Variants in RYR2 observed in about 807,000 individuals in gnomAD.
The protein encoded by RYR2 is ryanodine receptor 2.
Under a neutral mutation model 601.1 loss-of-function variants are expected in RYR2, and 227 were observed. The ratio of observed to expected loss-of-function variants is 0.38; its 90% confidence interval spans 0.34 to 0.42. The LOEUF (loss-of-function observed/expected upper bound fraction) is 0.42. RYR2 is among the 10% of genes least tolerant of loss of function. The probability of loss-of-function intolerance (pLI) is 1.00; values close to 1 mark genes in which losing one functional copy is unlikely to be tolerated. For synonymous variants in RYR2, 2,223 were observed against 2,175.1 expected (o/e 1.02, Z -0.61); for missense variants, 4,646 against 6,156.5 (o/e 0.75, Z 8.21).
Position 237,792,164 on chromosome 1 carries a change from T to C in RYR2, c.13623T>C (p.Asn4541=), listed in dbSNP as rs1389335931. 2 of 1,611,778 alleles carry C rather than the reference T, an allele frequency of 1.2e-6. No homozygotes were observed. The highest frequency in any genetic ancestry group is 1.7e-6 in the Non-Finnish European group (2 of 1,179,036). Residue 4541 remains asparagine, a synonymous_variant, in exon 94 of 105, where the codon AAT becomes AAC. Transcript: ENST00000366574. ...TCCCCACGAGAAGTTCAAGTGAAAA[T>C]GCCAAAGTGACAAGCCTGGACAGCA... ...KELPTRSSSE[N]AKVTSLDSSS...
At chr1:237,500,225 T>C (rs1664485797) in intron 20 of RYR2, among the ~76,000 whole-genome samples, 1 of 152,220 alleles carries the variant, frequency 6.6e-6, no homozygotes, top group Non-Finnish European at 1.5e-5. Context: ...ATGAAGTACC[T>C]GCTGTGCCTG....
intron 14 of RYR2, among the ~76,000 whole-genome samples, chr1:237,448,655 A>T (rs1332306359): frequency 6.6e-6 from 1 of 151,860 alleles, no homozygotes; most frequent in African/African-American, 2.4e-5. Context: ...GTGCATTTTG[A>T]AGCTCCGTTA....
rs1260701401 is a variant in RYR2 at position 237,148,563 on chromosome 1, C to CACACAT, written c.48+105995_48+105996insCACATA. Among the ~76,000 whole-genome samples, 366 of 82,338 alleles carry CACACAT rather than the reference C, an allele frequency of 4.4e-3. 9 individuals carry two copies. Among genetic ancestry groups the CACACAT allele is most frequent in the African/African-American group, 0.014 (355 of 25,920 alleles). The allele number at this position is 82,338 out of a possible 152,430, so 54.0% of individuals were successfully genotyped here. A position where few individuals can be genotyped will look rare whatever the true frequency, so the allele number is the denominator to read the frequency against. Reference sequence around the variant, plus strand: ...ATATATATATATATATACACACACACATATATATATATATACACACACATA... The same window carrying CACACAT: ...ATATATATATATATATACACACACACACACATATATATATATATATACACACACATA... On this transcript the variant is annotated intron_variant, in intron 1 of 104. Transcript: ENST00000366574.
intron 5 of RYR2, among the ~76,000 whole-genome samples, chr1:237,366,097 C>T (rs946764354): frequency 6.6e-6 from 1 of 152,214 alleles, no homozygotes; most frequent in African/African-American, 2.4e-5. Context: ...TTTCAATCAT[C>T]ATGCTTTGCT....
chr1:237,713,641 A>C (rs2819758), intron 71 of RYR2, among the ~76,000 whole-genome samples: 152,232 of 152,232 alleles, frequency 1, 76,116 homozygotes, highest in Non-Finnish European at 1. Flanking sequence ...TCGTGATCTG[A>C]CGGCCTCGGC....
At chr1:237,375,127 C>A (rs1700920748) in intron 7 of RYR2, among the ~76,000 whole-genome samples, 1 of 152,120 alleles carries the variant, frequency 6.6e-6, no homozygotes, top group Non-Finnish European at 1.5e-5. Context: ...ATGTCTCTCT[C>A]AAAAATGTTT....
At chr1:237,390,952 C>T (rs1702323459) in intron 10 of RYR2, among the ~76,000 whole-genome samples, 1 of 152,024 alleles carries the variant, frequency 6.6e-6, no homozygotes, top group Non-Finnish European at 1.5e-5. Context: ...AAATGGATGT[C>T]AGATTATGAC....
intron 104 of RYR2, among the ~76,000 whole-genome samples, chr1:237,832,247 C>A (rs554905127): frequency 8.6e-5 from 13 of 150,932 alleles, no homozygotes; most frequent in African/African-American, 2.9e-4. Flanking sequence ...CAGACAAGAT[C>A]TCTTATGTTG....
In RYR2 at chr1:237,483,220, T is replaced by A. The variant is rs557769567; in HGVS notation, c.1709-8586T>A. ...GTCCATTCAGCATTTCTCTACCTCTTACGACTATCATCACTGCTCCACAAA... is the reference window on the plus strand; with the variant it reads ...GTCCATTCAGCATTTCTCTACCTCTAACGACTATCATCACTGCTCCACAAA... On this transcript the variant is annotated intron_variant, in intron 17 of 104. Transcript: ENST00000366574. Among the ~76,000 whole-genome samples the A allele has an allele frequency of 1.2e-3, 181 of 152,330 alleles. 1 individual carries two copies. The highest frequency in any genetic ancestry group is 4.2e-3 in the African/African-American group (173 of 41,580).
intron 8 of RYR2, among the ~76,000 whole-genome samples, chr1:237,383,637 G>A (rs1172281310): frequency 3.3e-5 from 5 of 151,818 alleles, no homozygotes; most frequent in African/African-American, 1.2e-4. Flanking sequence ...CACCGTGTTG[G>A]CCAGGATGGT....
At chr1:237,070,463 T>G (rs2148317764) in intron 1 of RYR2, among the ~76,000 whole-genome samples, 1 of 152,320 alleles carries the variant, frequency 6.6e-6, no homozygotes, top group South Asian at 2.1e-4. Flanking sequence ...CAAGCATTTC[T>G]TCTGCCTCAA....
chr1:237,686,786 A>C (rs1686431750), intron 62 of RYR2, among the ~76,000 whole-genome samples: 1 of 152,134 alleles, frequency 6.6e-6, no homozygotes, highest in South Asian at 2.1e-4. Flanking sequence ...TCTGGAGCAG[A>C]TAAGAAATAT....
intron 58 of RYR2, among the ~76,000 whole-genome samples, chr1:237,673,318 T>G (rs942312614): frequency 6.6e-6 from 1 of 152,174 alleles, no homozygotes; most frequent in African/African-American, 2.4e-5. Context: ...ACAGTTTAAT[T>G]TTTTTATAAT....
chr1:237,587,035 C>T (rs551070391), intron 29 of RYR2, among the ~76,000 whole-genome samples: 4 of 152,270 alleles, frequency 2.6e-5, no homozygotes, highest in African/African-American at 9.6e-5. Flanking sequence ...CTTTACTTTT[C>T]TTTGTATGTT....
At chr1:237,220,026 G>A (rs974941461) in intron 1 of RYR2, among the ~76,000 whole-genome samples, 2 of 152,202 alleles carry the variant, frequency 1.3e-5, no homozygotes, top group Admixed American at 1.3e-4. Context: ...TGTTTGATTG[G>A]TTATGTGTTG....
At chr1:237,337,586 T>G (rs969295704) in intron 3 of RYR2, among the ~76,000 whole-genome samples, 1 of 152,142 alleles carries the variant, frequency 6.6e-6, no homozygotes, top group Non-Finnish European at 1.5e-5. Flanking sequence ...GGGAAAATAA[T>G]AGCATCTCCC....
chr1:237,790,203 A>C (rs947282127), intron 92 of RYR2, among the ~76,000 whole-genome samples: 4 of 152,138 alleles, frequency 2.6e-5, no homozygotes, highest in African/African-American at 9.7e-5. Flanking sequence ...CAGCCCAATA[A>C]ATTGTACCAG....
At chr1:237,656,561 T>A (rs569161597) in intron 53 of RYR2, among the ~76,000 whole-genome samples, 4 of 152,300 alleles carry the variant, frequency 2.6e-5, no homozygotes, top group African/African-American at 9.6e-5. Flanking sequence ...GAGCATTTTG[T>A]TGTTGTCGTT....
At position 237,638,104 on chromosome 1, in the gene RYR2, GA is replaced by G. The variant is rs34788513; in HGVS notation, c.6793-242del. Among the ~76,000 whole-genome samples the G allele has an allele frequency of 9.4e-3, 1,384 of 147,156 alleles. 24 individuals carry two copies. The highest frequency in any genetic ancestry group is 0.031 in the African/African-American group (1,258 of 40,358). On this transcript the variant is annotated intron_variant, in intron 44 of 104. Coordinates refer to ENST00000366574, the MANE Select transcript of RYR2 (RefSeq NM_001035.3). The stretch of plus-strand genomic sequence containing the variant: ...AAAGAATGTCTGCTTAGAGAGAGCT[GA>G]AAAAAAAAAAGCTTATAGTAGGATC...
Sources: gnomAD v4.1 joint callset for allele counts (sites outside exome capture counted in the v4.1 genomes callset) on GRCh38, gnomAD v4.1.1 for gene constraint, MANE v1.5 for transcripts, NCBI Gene and HGNC (gene_info 2026-07-23, HGNC 2026-07-21) for gene names.